PRLR: variants seen among roughly 807,000 people sequenced by gnomAD.
PRLR encodes the protein hPRL receptor.
PRLR carries 13 observed loss-of-function variants against 40.2 expected under a neutral mutation model. The observed-to-expected ratio is 0.32, with a 90% CI of 0.21 to 0.51. The LOEUF (loss-of-function observed/expected upper bound fraction) is 0.51, where lower values mean the gene tolerates loss of function less well. PRLR is among the 20% of genes least tolerant of loss of function. The probability of loss-of-function intolerance (pLI) is 0.97; values close to 1 mark genes in which losing one functional copy is unlikely to be tolerated. For missense variants in PRLR, 656 were observed against 747.3 expected (o/e 0.88, Z 1.42); for synonymous variants, 269 against 278.7 (o/e 0.97, Z 0.35).
At chr5:35,052,354 T>G (rs1768522459), downstream of PRLR, among the ~76,000 whole-genome samples, 1 of 152,210 alleles carries the variant, frequency 6.6e-6, no homozygotes, top group Non-Finnish European at 1.5e-5. Context: ...CATGTGAACA[T>G]ATCAATAGAT....
intron 1 of PRLR, among the ~76,000 whole-genome samples, chr5:35,228,017 G>A (rs916747006): frequency 6.6e-6 from 1 of 152,022 alleles, no homozygotes; most frequent in Non-Finnish European, 1.5e-5. Flanking sequence ...TGTATTCTGA[G>A]GCCACCACTC....
At chr5:35,095,921 T>C (rs1221312888) in intron 2 of PRLR, among the ~76,000 whole-genome samples, 1 of 152,190 alleles carries the variant, frequency 6.6e-6, no homozygotes, top group Non-Finnish European at 1.5e-5. Flanking sequence ...TGATTCCAGA[T>C]ATTCCCCTGC....
Position 35,060,650 on chromosome 5 carries a change from C to G in PRLR, c.*4439G>C, listed in dbSNP as rs1768983090. On this transcript the variant is annotated 3_prime_UTR_variant, in exon 10 of 10. Coordinates refer to ENST00000618457, the MANE Select transcript of PRLR (RefSeq NM_000949.7). ...GTGATTTAGTCTTGGACATTGAGTGCTCAGTCACTGTCTCAGTGACAGCAT... is the reference window on the plus strand; with the variant it reads ...GTGATTTAGTCTTGGACATTGAGTGGTCAGTCACTGTCTCAGTGACAGCAT... The G allele has an allele frequency of 6.6e-6, 1 of 152,184 alleles. No individual in the cohort carries two copies. The highest frequency in any genetic ancestry group is 2.4e-5 in the African/African-American group (1 of 41,436). 9.4% of individuals were successfully genotyped at this position (152,184 alleles called of 1,614,324 possible). A position where few individuals can be genotyped will look rare whatever the true frequency, so the allele number is the denominator to read the frequency against.
chr5:35,125,317 A>ACCT (rs1773423856), intron 1 of PRLR, among the ~76,000 whole-genome samples: 1 of 152,178 alleles, frequency 6.6e-6, no homozygotes, highest in African/African-American at 2.4e-5. Flanking sequence ...CCAGCAGTGG[A>ACCT]CCTGAACGAA....
At chr5:35,134,639 A>T (rs1773793295) in intron 1 of PRLR, among the ~76,000 whole-genome samples, 1 of 152,210 alleles carries the variant, frequency 6.6e-6, no homozygotes, top group Non-Finnish European at 1.5e-5. Flanking sequence ...GCACAACCTC[A>T]ATGAACTGGG....
At chr5:35,096,597 G>T (rs867972077) in intron 2 of PRLR, among the ~76,000 whole-genome samples, 1 of 151,808 alleles carries the variant, frequency 6.6e-6, no homozygotes, top group Non-Finnish European at 1.5e-5. Context: ...AGTCCAAGGA[G>T]TGTCTTAAAA....
chr5:35,064,977 G>T lies in PRLR; in HGVS notation c.*112C>A. 1 of 1,212,356 alleles carries T rather than the reference G, an allele frequency of 8.2e-7. No individual in the cohort carries two copies. Among genetic ancestry groups the T allele is most frequent in the Non-Finnish European group, 1.1e-6 (1 of 875,004 alleles). 75.1% of individuals were successfully genotyped at this position (1,212,356 alleles called of 1,614,324 possible). ...TGGTTAAAAATGGAGCATGAAAGGA[G>T]CTGGGAGCTTTAGTAGTGTCAGTCT... On this transcript the variant is annotated 3_prime_UTR_variant, in exon 10 of 10. Coordinates refer to ENST00000618457, the MANE Select transcript of PRLR (RefSeq NM_000949.7).
intron 1 of PRLR, among the ~76,000 whole-genome samples, chr5:35,181,165 G>A (rs1333145444): frequency 2.0e-5 from 3 of 152,164 alleles, no homozygotes; most frequent in Admixed American, 2.0e-4. Flanking sequence ...TAAATATCTA[G>A]CAACCAGCTA....
chr5:35,117,931 C>T (rs1177866573), intron 2 of PRLR, 130 bp downstream of exon 2: 2 of 307,140 alleles, frequency 6.5e-6, no homozygotes, highest in African/African-American at 2.3e-5. Flanking sequence ...CAGAATGTGC[C>T]AGTGTAGACA....
chr5:35,089,605 CCACATTTTCCTT>C lies in PRLR; in HGVS notation c.4_15del (p.Lys2_Val5del). 1 of 1,614,056 alleles carries C rather than the reference CCACATTTTCCTT, an allele frequency of 6.2e-7. No homozygotes were observed. On this transcript the variant is annotated inframe_deletion, in exon 3 of 10. Coordinates refer to ENST00000618457, the MANE Select transcript of PRLR (RefSeq NM_000949.7). Reference sequence around the variant, plus strand: ...AGCAGAGTGAAAACGGTTGCAGATGCCACATTTTCCTTCATGTTGGCTGCCTTCTCTTGCTGC... The same window carrying C: ...AGCAGAGTGAAAACGGTTGCAGATGCCATGTTGGCTGCCTTCTCTTGCTGC...
At chr5:35,129,791 C>G (rs1057342613) in intron 1 of PRLR, among the ~76,000 whole-genome samples, 4 of 151,922 alleles carry the variant, frequency 2.6e-5, no homozygotes, top group African/African-American at 9.7e-5. Flanking sequence ...CCTAAAAGTG[C>G]CAAGCAGTAG....
intron 1 of PRLR, among the ~76,000 whole-genome samples, chr5:35,128,910 T>G (rs1274825818): frequency 6.6e-6 from 1 of 152,208 alleles, no homozygotes; most frequent in Non-Finnish European, 1.5e-5. Flanking sequence ...CCTGTAAATC[T>G]GTCTCCATCT....
rs1029088603 is a variant in PRLR, at chr5:35,058,093, C to T, written c.*6996G>A. The T allele has an allele frequency of 1.3e-5, 2 of 151,654 alleles. No homozygotes were observed. The highest frequency in any genetic ancestry group is 4.8e-5 in the African/African-American group (2 of 41,262). 9.4% of individuals were successfully genotyped at this position (151,654 alleles called of 1,614,324 possible). The stretch of plus-strand genomic sequence containing the variant: ...ATATAAACATGTAAGAATGGTTATT[C>T]AGAAACTCTTGCATAACCCTACAAA... On this transcript the variant is annotated 3_prime_UTR_variant, in exon 10 of 10. Transcript: ENST00000618457.
At chr5:35,068,967 G>C in intron 7 of PRLR, 89 bp from the exon 8 acceptor site, 1 of 927,898 alleles carries the variant, frequency 1.1e-6, no homozygotes, top group East Asian at 2.6e-5. Context: ...AAACCCAAGA[G>C]TGTTTTCCTC....
intron 1 of PRLR, among the ~76,000 whole-genome samples, chr5:35,176,975 A>T (rs1167039439): frequency 1.7e-4 from 26 of 152,146 alleles, no homozygotes; most frequent in Admixed American, 1.7e-3. Flanking sequence ...TTAGGGCTGG[A>T]GGTGGGACCT....
At chr5:35,118,633 T>A (rs532955507) in intron 1 of PRLR, among the ~76,000 whole-genome samples, 2 of 152,296 alleles carry the variant, frequency 1.3e-5, no homozygotes, top group South Asian at 4.1e-4. Flanking sequence ...TTAGATTTCA[T>A]AAAATTTGGT....
Position 35,070,005 on chromosome 5 carries a change from C to A in PRLR, c.685+119G>T, listed in dbSNP as rs1769641848. The A allele has an allele frequency of 5.1e-6, 6 of 1,176,592 alleles. No homozygotes were observed. The East Asian group carries it at 7.7e-5, about 15-fold the overall frequency. 72.9% of individuals were successfully genotyped at this position (1,176,592 alleles called of 1,614,324 possible). A position where few individuals can be genotyped will look rare whatever the true frequency, so the allele number is the denominator to read the frequency against. ...TCGTATTGGGCAGAAAGATTATAAA[C>A]CCACCTCTATTGTTCTGGCTAAGGC... On this transcript the variant is annotated intron_variant, in intron 7 of 9. Transcript: ENST00000618457.
At chr5:35,082,573 C>G (rs1770590556) in intron 5 of PRLR, among the ~76,000 whole-genome samples, 1 of 152,098 alleles carries the variant, frequency 6.6e-6, no homozygotes, top group African/African-American at 2.4e-5. Context: ...CCAGTCATTG[C>G]CAAATATCCT....
At chr5:35,105,895 G>C (rs1469127318) in intron 2 of PRLR, among the ~76,000 whole-genome samples, 3 of 152,112 alleles carry the variant, frequency 2.0e-5, no homozygotes, top group Non-Finnish European at 2.9e-5. Context: ...GATACTCCTC[G>C]AGAAGAGCAA....
Sources: allele counts gnomAD v4.1 joint callset (sites outside exome capture counted in the v4.1 genomes callset), GRCh38; gene constraint gnomAD v4.1.1; transcripts MANE v1.5; gene names NCBI Gene and HGNC (gene_info 2026-07-23, HGNC 2026-07-21).